The following TSPAN9 variants were observed in gnomAD, a reference collection of about 807,000 sequenced individuals.
The protein encoded by TSPAN9 is tetraspanin-9.
A neutral mutation model predicts 31.0 loss-of-function variants in TSPAN9; 16 were observed. That is an observed-to-expected ratio of 0.52 (90% CI 0.35 to 0.78). The LOEUF is 0.78. Ranked by LOEUF, TSPAN9 falls within the 30% of genes least tolerant of loss-of-function variation. The pLI, the probability that TSPAN9 is intolerant of heterozygous loss-of-function variation, is 0.01. For synonymous variants in TSPAN9, 145 were observed against 121.6 expected, an observed-to-expected ratio of 1.19 and a Z score of -1.27; for missense variants, 272 against 312.5, an observed-to-expected ratio of 0.87 and a Z score of 0.98.
intron 3 of TSPAN9, among the ~76,000 whole-genome samples, chr12:3,203,631 C>G (rs904699126): frequency 1.3e-5 from 2 of 152,194 alleles, no homozygotes; most frequent in Admixed American, 1.3e-4. Context: ...TTTCTGATTA[C>G]TTAATATTTC....
In TSPAN9 at chr12:3,264,232, G is replaced by A. The variant is rs1331201576; in HGVS notation, c.64-14189G>A. Reference sequence around the variant, plus strand: ...TCCCCCTGTCTGAGAGGCCTGGGTCGAATGGGGCACAGGGGACCCGGGGAA... The same window carrying A: ...TCCCCCTGTCTGAGAGGCCTGGGTCAAATGGGGCACAGGGGACCCGGGGAA... On this transcript the variant is annotated intron_variant, in intron 3 of 8. Transcript: ENST00000011898. Among the ~76,000 whole-genome samples the A allele has an allele frequency of 2.6e-5, 4 of 152,218 alleles. No homozygotes were observed. The East Asian group carries it at 5.8e-4, about 22-fold the overall frequency.
At position 3,201,223 on chromosome 12, in the gene TSPAN9, G is replaced by A; in HGVS notation, c.30G>A (p.Lys10=). Residue 10 remains lysine, a synonymous_variant, in exon 3 of 9, where the codon AAG becomes AAA. Transcript: ENST00000011898. The part of the protein sequence containing the change: MARGCLCCL[K]YMMFLFNLIF... ...CCAGGGGCTGCCTCTGCTGCTTGAA[G>A]TACATGATGTTCCTCTTCAATTTGA... The A allele has an allele frequency of 6.2e-7, 1 of 1,614,156 alleles. No homozygotes were observed.
At chr12:3,219,045 C>T (rs149429104) in intron 3 of TSPAN9, among the ~76,000 whole-genome samples, 46 of 152,294 alleles carry the variant, frequency 3.0e-4, no homozygotes, top group Middle Eastern at 3.4e-3. Context: ...AGTGAAGGCC[C>T]CAAATACAGA....
At chr12:3,182,103 A>G (rs1402737168) in intron 2 of TSPAN9, among the ~76,000 whole-genome samples, 2 of 152,046 alleles carry the variant, frequency 1.3e-5, no homozygotes, top group Non-Finnish European at 2.9e-5. Flanking sequence ...AGAAGGCTGT[A>G]GCCCCCTGGA....
chr12:3,231,709 C>T (rs1314478863), intron 3 of TSPAN9, among the ~76,000 whole-genome samples: 1 of 152,242 alleles, frequency 6.6e-6, no homozygotes, highest in Admixed American at 6.5e-5. Context: ...AGGTTGTGGG[C>T]GGGCGGCGCC....
At chr12:3,114,327 G>A (rs2098320928) in intron 2 of TSPAN9, among the ~76,000 whole-genome samples, 1 of 152,074 alleles carries the variant, frequency 6.6e-6, no homozygotes, top group South Asian at 2.1e-4. Flanking sequence ...ACCTTATAAA[G>A]TATAGAAACC....
At chr12:3,204,704 C>T (rs4429136) in intron 3 of TSPAN9, among the ~76,000 whole-genome samples, 6,864 of 152,142 alleles carry the variant, frequency 0.045, 535 homozygotes, top group African/African-American at 0.15. Context: ...TCCCCTGCCC[C>T]GACTCTCAGG....
chr12:3,178,816 G>A (rs987275803), intron 2 of TSPAN9, among the ~76,000 whole-genome samples: 1 of 152,168 alleles, frequency 6.6e-6, no homozygotes, highest in Non-Finnish European at 1.5e-5. Context: ...TGGTTTGAGG[G>A]TGGGCTTAGC....
chr12:3,159,603 A>T (rs1373834031), intron 2 of TSPAN9, among the ~76,000 whole-genome samples: 1 of 152,204 alleles, frequency 6.6e-6, no homozygotes, highest in African/African-American at 2.4e-5. Context: ...ACCATGGCTC[A>T]CACCTAGAAT....
intron 2 of TSPAN9, among the ~76,000 whole-genome samples, chr12:3,183,762 G>A (rs1316400425): frequency 1.3e-5 from 2 of 152,158 alleles, no homozygotes; most frequent in Non-Finnish European, 2.9e-5. Context: ...CTCGGCATTT[G>A]GGAAAGAACA....
chr12:3,217,285 C>G (rs540000436), intron 3 of TSPAN9, among the ~76,000 whole-genome samples: 1 of 152,164 alleles, frequency 6.6e-6, no homozygotes, highest in Non-Finnish European at 1.5e-5. Flanking sequence ...GGCAATGTCC[C>G]CTGAGTTGGC....
At chr12:3,182,957 G>A (rs888660942) in intron 2 of TSPAN9, among the ~76,000 whole-genome samples, 1 of 152,214 alleles carries the variant, frequency 6.6e-6, no homozygotes, top group Non-Finnish European at 1.5e-5. Flanking sequence ...ACAGATGCCC[G>A]AGGCAGGTTG....
At chr12:3,118,453 G>A (rs1030266643) in intron 2 of TSPAN9, among the ~76,000 whole-genome samples, 2 of 151,628 alleles carry the variant, frequency 1.3e-5, no homozygotes, top group African/African-American at 4.8e-5. Flanking sequence ...TAGAGACGGG[G>A]TTTTACCATG....
chr12:3,165,039 C>G (rs529943100), intron 2 of TSPAN9, among the ~76,000 whole-genome samples: 1 of 152,248 alleles, frequency 6.6e-6, no homozygotes, highest in East Asian at 1.9e-4. Context: ...GTGGCCTGGC[C>G]GTAGAGGGGT....
At chr12:3,083,487 A>C (rs2098298899) in intron 1 of TSPAN9, among the ~76,000 whole-genome samples, 166 bp from the exon 2 acceptor site, 1 of 152,228 alleles carries the variant, frequency 6.6e-6, no homozygotes, top group African/African-American at 2.4e-5. Flanking sequence ...ACTGAGTGGC[A>C]TTAGCACACT....
intron 3 of TSPAN9, among the ~76,000 whole-genome samples, chr12:3,238,031 C>T (rs1009277019): frequency 6.6e-6 from 1 of 152,098 alleles, no homozygotes; most frequent in South Asian, 2.1e-4. Flanking sequence ...TCTCTACCTT[C>T]CTCTCCTCTT....
chr12:3,236,538 G>A (rs12316597), intron 3 of TSPAN9, among the ~76,000 whole-genome samples: 41,053 of 152,008 alleles, frequency 0.27, 5,683 homozygotes, highest in East Asian at 0.34. Context: ...GCTTCCTCCA[G>A]TAGATAAGAT....
chr12:3,137,275 C>T (rs149258522), intron 2 of TSPAN9, among the ~76,000 whole-genome samples: 70 of 152,342 alleles, frequency 4.6e-4, no homozygotes, highest in African/African-American at 1.6e-3. Context: ...CTGGAGCTCC[C>T]GCAGCTGGGC....
chr12:3,270,983 G>T, intron 3 of TSPAN9, among the ~76,000 whole-genome samples: 1 of 152,238 alleles, frequency 6.6e-6, no homozygotes, highest in East Asian at 1.9e-4. Context: ...TGCCCCTTAA[G>T]TTTGGCCGTG....
Sources: gnomAD v4.1 joint callset for allele counts (sites outside exome capture counted in the v4.1 genomes callset) on GRCh38, gnomAD v4.1.1 for gene constraint, MANE v1.5 for transcripts, NCBI Gene and HGNC (gene_info 2026-07-23, HGNC 2026-07-21) for gene names.